The following TRIM63 variants were observed in gnomAD, a reference collection of about 807,000 sequenced individuals.
TRIM63 encodes E3 ubiquitin-protein ligase TRIM63.
Under a neutral mutation model 46.0 loss-of-function variants are expected in TRIM63, and 48 were observed. That is an observed-to-expected ratio of 1.04 (90% CI 0.83 to 1.33). The LOEUF is 1.33. Ranked by LOEUF, TRIM63 falls within the 40% of genes most tolerant of loss-of-function variation. The pLI is 0.00. For synonymous variants in TRIM63, 175 were observed against 162.8 expected (o/e 1.08, Z -0.57); for missense variants, 455 against 441.2 (o/e 1.03, Z -0.28).
rs535922107 is a variant in TRIM63, at chr1:26,054,599, C to T, written c.980-635G>A. Reference sequence around the variant, plus strand: ...TTTAACAGGGAACATCTCCCTTCCCCGCTCCTCTCCCAAGCTACCTCCTTA... The same window carrying T: ...TTTAACAGGGAACATCTCCCTTCCCTGCTCCTCTCCCAAGCTACCTCCTTA... On this transcript the variant is annotated intron_variant, in intron 7 of 8. Transcript: ENST00000374272. 1.5e-4 allele frequency among the ~76,000 whole-genome samples: 23 copies of T among 152,238 alleles called. 1 individual carries two copies. Among genetic ancestry groups the T allele is most frequent in the African/African-American group, 5.1e-4 (21 of 41,544 alleles).
intron 2 of TRIM63, among the ~76,000 whole-genome samples, chr1:26,064,844 C>T (rs998288195): frequency 2.9e-4 from 44 of 152,212 alleles, no homozygotes; most frequent in Non-Finnish European, 1.2e-4. Flanking sequence ...CACCTGAGAT[C>T]TGGTCTGTCA....
At chr1:26,066,150 G>T in intron 2 of TRIM63, 118 bp downstream of exon 2, 1 of 1,158,052 alleles carries the variant, frequency 8.6e-7, no homozygotes, top group Non-Finnish European at 1.3e-6. Context: ...GGCTTGTGTA[G>T]CTAGTCCAGC....
At position 26,055,716 on chromosome 1, in the gene TRIM63, G is replaced by A. The variant is rs12091244; in HGVS notation, c.979+1487C>T. Among the ~76,000 whole-genome samples the A allele has an allele frequency of 1.6e-3, 238 of 152,066 alleles. 1 individual carries two copies. Among genetic ancestry groups the A allele is most frequent in the African/African-American group, 4.2e-3 (174 of 41,486 alleles). ...AGTAGAGACGGGGTTTCTCCGTGTT[G>A]GTCAGGCTGGTCTGGAACTCCTGAC... is the stretch of plus-strand genomic sequence containing the variant. On this transcript the variant is annotated intron_variant, in intron 7 of 8. Coordinates refer to ENST00000374272, the MANE Select transcript of TRIM63 (RefSeq NM_032588.4).
chr1:26,060,765 T>TG (rs2050616398), intron 3 of TRIM63, among the ~76,000 whole-genome samples: 1 of 152,092 alleles, frequency 6.6e-6, no homozygotes, highest in African/African-American at 2.4e-5. Context: ...GACAGGGTGG[T>TG]GGGCCCTCAC....
At chr1:26,064,613 G>A (rs2050658004) in intron 2 of TRIM63, among the ~76,000 whole-genome samples, 1 of 152,106 alleles carries the variant, frequency 6.6e-6, no homozygotes, top group Non-Finnish European at 1.5e-5. Context: ...AAAAATGCCT[G>A]AAAGTACTTA....
At chr1:26,066,580 A>T in intron 1 of TRIM63, 140 bp from the exon 2 acceptor site, 1 of 732,464 alleles carries the variant, frequency 1.4e-6, no homozygotes, top group Non-Finnish European at 2.1e-6. Context: ...GACTGTGATG[A>T]GAACCAGTCC....
chr1:26,066,221 G>C (rs1287350722), intron 2 of TRIM63, 47 bp downstream of exon 2: 4 of 1,606,090 alleles, frequency 2.5e-6, no homozygotes, highest in East Asian at 2.2e-5. Context: ...TCTAGGCACA[G>C]CATGGCTGGG....
chr1:26,051,817 CCT>C lies in TRIM63; in HGVS notation c.*54_*55del. The stretch of plus-strand genomic sequence containing the variant: ...GGCCTGTCACCAAGGCCGCTGGGCC[CCT>C]CCCCACCCTCTCCAGTCTCTCTGCA... On this transcript the variant is annotated 3_prime_UTR_variant, in exon 9 of 9. Transcript: ENST00000374272. 7.5e-7 allele frequency: 1 copy of C among 1,328,452 alleles called. No individual in the cohort carries two copies. The highest frequency in any genetic ancestry group is 9.7e-7 in the Non-Finnish European group (1 of 1,029,052). The allele number at this position is 1,328,452 out of a possible 1,614,324, so 82.3% of individuals were successfully genotyped here.
At position 26,067,563 on chromosome 1, in the gene TRIM63, G is replaced by T; in HGVS notation, c.-69C>A. The T allele has an allele frequency of 1.3e-6, 2 of 1,551,320 alleles. No individual in the cohort carries two copies. Among genetic ancestry groups the T allele is most frequent in the Non-Finnish European group, 1.7e-6 (2 of 1,146,758 alleles). ...TAACTTTGCTCTAAGTAGACCTGGG[G>T]GTCTTGCCTTTGTCACAAAACACCG... On this transcript the variant is annotated 5_prime_UTR_variant, in exon 1 of 9. Transcript: ENST00000374272.
At chr1:26,060,138 A>G (rs1460733037) in intron 4 of TRIM63, 128 bp downstream of exon 4, 5 of 664,624 alleles carry the variant, frequency 7.5e-6, no homozygotes, top group Non-Finnish European at 1.3e-5. Context: ...CTCCCCTGCC[A>G]TCCCTGCTTG....
intron 4 of TRIM63, among the ~76,000 whole-genome samples, chr1:26,059,738 A>C (rs1009780255): frequency 6.6e-6 from 1 of 152,144 alleles, no homozygotes; most frequent in African/African-American, 2.4e-5. Flanking sequence ...TCAGGGATAG[A>C]AAAGTTCCCT....
chr1:26,058,680 C>A, intron 4 of TRIM63, 57 bp from the exon 5 acceptor site: 1 of 1,401,766 alleles, frequency 7.1e-7, no homozygotes, highest in Admixed American at 1.7e-5. Flanking sequence ...CTGCCCACTA[C>A]ACTGCCTTCC....
intron 5 of TRIM63, among the ~76,000 whole-genome samples, chr1:26,058,032 C>G (rs1264174710): frequency 6.6e-6 from 1 of 152,194 alleles, no homozygotes; most frequent in Non-Finnish European, 1.5e-5. Flanking sequence ...ATAACTGAGC[C>G]TTTTCTGTCC....
chr1:26,067,435 C>G lies in TRIM63; in HGVS notation c.60G>C (p.Gln20His). ...DGNPMENLEK[Q>H]LICPICLEMF... is the part of the protein sequence containing the mutation. ...TCTCCAGGCAGATAGGGCAGATCAGCTGCTTCTCCAAGTTCTCCATGGGAT... is the reference window on the plus strand; with the variant it reads ...TCTCCAGGCAGATAGGGCAGATCAGGTGCTTCTCCAAGTTCTCCATGGGAT... Residue 20 changes from glutamine (Q) to histidine (H), a missense_variant, in exon 1 of 9, where the codon CAG becomes CAC. Transcript: ENST00000374272. The G allele has an allele frequency of 6.2e-7, 1 of 1,614,196 alleles. No individual in the cohort carries two copies. The highest frequency in any genetic ancestry group is 8.5e-7 in the Non-Finnish European group (1 of 1,180,044).
chr1:26,058,640 T>C lies in TRIM63; in HGVS notation c.598-17A>G, dbSNP rs1337839872. Reference sequence around the variant, plus strand: ...ACTGTTCTCCTGAGGACGGAAGTCTTGTGGTCACGTTCTGTAGGGTCTTTA... The same window carrying C: ...ACTGTTCTCCTGAGGACGGAAGTCTCGTGGTCACGTTCTGTAGGGTCTTTA... On this transcript the variant is annotated splice_polypyrimidine_tract_variant and intron_variant, in intron 4 of 8. Coordinates refer to ENST00000374272, the MANE Select transcript of TRIM63 (RefSeq NM_032588.4). The C allele has an allele frequency of 1.9e-6, 3 of 1,610,506 alleles. No homozygotes were observed. The highest frequency in any genetic ancestry group is 2.2e-5 in the South Asian group (2 of 90,944).
Position 26,051,427 on chromosome 1 carries a change from C to G in TRIM63, c.*446G>C, listed in dbSNP as rs1280151445. 6.5e-6 allele frequency: 1 copy of G among 154,680 alleles called. No homozygotes were observed. Among genetic ancestry groups the G allele is most frequent in the African/African-American group, 2.4e-5 (1 of 41,540 alleles). The allele number at this position is 154,680 out of a possible 1,614,324, so 9.6% of individuals were successfully genotyped here. On this transcript the variant is annotated 3_prime_UTR_variant, in exon 9 of 9. Transcript: ENST00000374272. ...GCACATCGTCCCTGTGAGTGCTACC[C>G]CATCCTCCTGCTCAGGAAAGGAAGT...
intron 1 of TRIM63, 41 bp from the exon 2 acceptor site, chr1:26,066,481 C>A: frequency 6.7e-7 from 1 of 1,491,216 alleles, no homozygotes; most frequent in Non-Finnish European, 8.9e-7. Context: ...GGGCTCCCTA[C>A]TTAGCCCTTC....
chr1:26,054,886 T>C (rs1047944679), intron 7 of TRIM63, among the ~76,000 whole-genome samples: 28 of 150,926 alleles, frequency 1.9e-4, no homozygotes, highest in African/African-American at 6.8e-4. Context: ...GAGAATCTCT[T>C]GAACCCAGGA....
intron 7 of TRIM63, among the ~76,000 whole-genome samples, chr1:26,055,572 G>T (rs150874363): frequency 1.3e-5 from 2 of 150,152 alleles, no homozygotes; most frequent in Admixed American, 1.3e-4. Flanking sequence ...GTGCAATGGC[G>T]TGATCACAGC....
Sources: gnomAD v4.1 joint callset for allele counts (sites outside exome capture counted in the v4.1 genomes callset) on GRCh38, gnomAD v4.1.1 for gene constraint, MANE v1.5 for transcripts, NCBI Gene and HGNC (gene_info 2026-07-23, HGNC 2026-07-21) for gene names.